OSBPL5: variants seen among roughly 807,000 people sequenced by gnomAD.
OSBPL5 encodes oxysterol-binding protein-related protein 5.
OSBPL5 carries 71 observed loss-of-function variants against 111.2 expected under a neutral mutation model. The ratio of observed to expected loss-of-function variants is 0.64; its 90% CI spans 0.53 to 0.78. The LOEUF (loss-of-function observed/expected upper bound fraction) is 0.78. Among genes scored for constraint, OSBPL5 ranks in the 30% least tolerant of loss-of-function variants. The pLI is 0.00. For synonymous variants in OSBPL5, 549 were observed against 513.9 expected (o/e 1.07, Z -0.93); for missense variants, 1,210 against 1,189.3 (o/e 1.02, Z -0.26).
At chr11:3,114,795 G>A (rs1402672759) in intron 7 of OSBPL5, among the ~76,000 whole-genome samples, 1 of 151,682 alleles carries the variant, frequency 6.6e-6, no homozygotes, top group Non-Finnish European at 1.5e-5. Context: ...TAGAGATGGG[G>A]TTTCACCATG....
At chr11:3,090,928 C>A (rs572670452) in intron 19 of OSBPL5, among the ~76,000 whole-genome samples, 6 of 152,228 alleles carry the variant, frequency 3.9e-5, no homozygotes, top group African/African-American at 1.4e-4. Flanking sequence ...AGCTACTGAC[C>A]CCTCACAGTG....
At chr11:3,138,249 C>T (rs1590704740) in intron 1 of OSBPL5, among the ~76,000 whole-genome samples, 2 of 152,346 alleles carry the variant, frequency 1.3e-5, no homozygotes, top group African/African-American at 2.4e-5. Flanking sequence ...GATCACTCCA[C>T]CAGCCCTAAG....
intron 3 of OSBPL5, among the ~76,000 whole-genome samples, chr11:3,123,690 A>C (rs528058812): frequency 2.8e-4 from 43 of 152,316 alleles, no homozygotes; most frequent in African/African-American, 1.0e-3. Context: ...GGCGCTGGGG[A>C]CTGCCCCCAC....
chr11:3,101,840 T>C, intron 12 of OSBPL5, 141 bp from the exon 13 acceptor site: 1 of 730,444 alleles, frequency 1.4e-6, no homozygotes, highest in Non-Finnish European at 2.2e-6. Context: ...GGTAGGGGCC[T>C]TCCTGGCTCT....
chr11:3,092,437 G>T lies in OSBPL5; in HGVS notation c.2254C>A (p.His752Asn). ...TTFLGSPGPR[H>N]ERSGPDQRLR... ...GGGGCCTGTGGGGTGCTGACCTCGT[G>T]CCTGGGCCCTGGGCTGCCCAGGAAG... The change falls in exon 19 of 22, where the codon CAC (histidine) becomes AAC (asparagine). Residue 752 changes from histidine (H) to asparagine (N), a missense_variant. Physicochemically the swap from His to Asn is moderately conservative, Grantham distance 68. Transcript: ENST00000263650. The surrounding 1 kb of genome is among the most constrained non-coding windows in gnomAD (Gnocchi z 5.4). 1 of 1,580,410 alleles carries T rather than the reference G, an allele frequency of 6.3e-7. No individual in the cohort carries two copies. Among genetic ancestry groups the T allele is most frequent in the Non-Finnish European group, 8.6e-7 (1 of 1,162,750 alleles).
chr11:3,096,672 T>G (rs990159637), intron 14 of OSBPL5, among the ~76,000 whole-genome samples: 3 of 151,002 alleles, frequency 2.0e-5, no homozygotes, highest in Non-Finnish European at 2.9e-5. Flanking sequence ...TTAACTTTAG[T>G]GATATAAAAT....
chr11:3,121,953 C>T lies in OSBPL5; in HGVS notation c.402+44G>A, dbSNP rs776895845. On this transcript the variant is annotated intron_variant, in intron 5 of 21. Transcript: ENST00000263650. This position sits in a 1 kb window ranked among gnomAD's most constrained non-coding sequence, Gnocchi z 4.3. ...ATGGTCCTTTGTTATGGCAGCAGCA[C>T]GCTGACCCGTGTCCTGGGTGGCCGG... The T allele has an allele frequency of 4.0e-5, 60 of 1,507,696 alleles. No individual in the cohort carries two copies. Among genetic ancestry groups the T allele is most frequent in the South Asian group, 3.6e-4 (30 of 83,508 alleles). The allele number at this position is 1,507,696 out of a possible 1,614,324, so 93.4% of individuals were successfully genotyped here. A position where few individuals can be genotyped will look rare whatever the true frequency, so the allele number is the denominator to read the frequency against.
rs1349862402 is a variant in OSBPL5 at position 3,102,195 on chromosome 11, G to A, written c.1413C>T (p.Tyr471=). Residue 471 remains tyrosine, a synonymous_variant, in exon 12 of 22, where the codon TAC becomes TAT. Coordinates refer to ENST00000263650, the MANE Select transcript of OSBPL5 (RefSeq NM_020896.4). ...FHPQTDSRTF[Y]IAEQVSHHPP... Reference sequence around the variant, plus strand: ...GAGGTGCTCTTGCCTGCTCTGCTATGTAGAATGTGCGGCTGTCAGTCTGCG... The same window carrying A: ...GAGGTGCTCTTGCCTGCTCTGCTATATAGAATGTGCGGCTGTCAGTCTGCG... 2 of 1,604,422 alleles carry A rather than the reference G, an allele frequency of 1.2e-6. No individual in the cohort carries two copies. The highest frequency in any genetic ancestry group is 2.2e-5 in the East Asian group (1 of 44,542).
Position 3,126,784 on chromosome 11 carries a change from C to A in OSBPL5, c.137-229G>T. 2.3e-6 allele frequency: 1 copy of A among 442,918 alleles called. No individual in the cohort carries two copies. Among genetic ancestry groups the A allele is most frequent in the Non-Finnish European group, 4.1e-6 (1 of 245,480 alleles). 27.4% of individuals were successfully genotyped at this position (442,918 alleles called of 1,614,324 possible). A position where few individuals can be genotyped will look rare whatever the true frequency, so the allele number is the denominator to read the frequency against. ...AGGAGAACTGGCAGGGCCTCCAGGACCTACAGGGAGGAAGCTGGGACAGGA... is the reference window on the plus strand; with the variant it reads ...AGGAGAACTGGCAGGGCCTCCAGGAACTACAGGGAGGAAGCTGGGACAGGA... On this transcript the variant is annotated intron_variant, in intron 2 of 21. Transcript: ENST00000263650. This position sits in a 1 kb window ranked among gnomAD's most constrained non-coding sequence, Gnocchi z 6.5.
At chr11:3,099,290 G>A (rs1158239437) in intron 14 of OSBPL5, among the ~76,000 whole-genome samples, 1 of 152,212 alleles carries the variant, frequency 6.6e-6, no homozygotes, top group African/African-American at 2.4e-5. Context: ...TCTGTGAGAT[G>A]TGGTAATGGC....
At chr11:3,149,750 C>CT (rs1221149054) in intron 1 of OSBPL5, among the ~76,000 whole-genome samples, 1 of 152,238 alleles carries the variant, frequency 6.6e-6, no homozygotes, top group Non-Finnish European at 1.5e-5. Flanking sequence ...ACGACCCCCC[C>CT]GTCACTGACC....
chr11:3,122,765 T>C (rs768473926), intron 3 of OSBPL5, among the ~76,000 whole-genome samples: 3 of 152,170 alleles, frequency 2.0e-5, no homozygotes, highest in African/African-American at 4.8e-5. Flanking sequence ...CCTACGGGTC[T>C]GACTGAGCCC....
chr11:3,091,122 G>A (rs1857041572), intron 19 of OSBPL5, among the ~76,000 whole-genome samples: 1 of 152,216 alleles, frequency 6.6e-6, no homozygotes, highest in Non-Finnish European at 1.5e-5. Context: ...AGATGGCTAG[G>A]GTTCCCCATG....
chr11:3,150,017 C>T (rs1846522492), intron 1 of OSBPL5, among the ~76,000 whole-genome samples: 1 of 152,208 alleles, frequency 6.6e-6, no homozygotes, highest in Admixed American at 6.5e-5. Context: ...CACACACATG[C>T]ATAAGCAGAC....
At chr11:3,149,032 C>A (rs1846471493) in intron 1 of OSBPL5, among the ~76,000 whole-genome samples, 1 of 152,184 alleles carries the variant, frequency 6.6e-6, no homozygotes, top group South Asian at 2.1e-4. Flanking sequence ...TCAGAACCTG[C>A]CCCAGCCCTG....
chr11:3,129,060 C>T lies in OSBPL5; in HGVS notation c.89G>A (p.Arg30Gln), dbSNP rs761967795. 2.7e-5 allele frequency: 43 copies of T among 1,586,334 alleles called. No individual in the cohort carries two copies. The highest frequency in any genetic ancestry group is 1.4e-4 in the African/African-American group (10 of 73,090). The stretch of plus-strand genomic sequence containing the variant: ...ATTGTCTCCGCTGAGGAGCAAGTTC[C>T]GGGTGAGCTTCCGGGGGTCGACTTT... ...PQKVDPRKLT[R>Q]NLLLSGDNEL... The change falls in exon 2 of 22, where the codon CGG becomes CAG. Residue 30 changes from arginine to glutamine, a missense_variant. Coordinates refer to ENST00000263650, the MANE Select transcript of OSBPL5 (RefSeq NM_020896.4).
Position 3,114,591 on chromosome 11 carries a change from A to ACTTTTTTTT in OSBPL5, c.691+4955_691+4956insAAAAAAAAG, listed in dbSNP as rs774192603. The stretch of plus-strand genomic sequence containing the variant: ...GACTAAAGAATTGGTTAGAACAATG[A>ACTTTTTTTT]TTTTTTTTTTTTTTTTTTTTTTTTT... On this transcript the variant is annotated intron_variant, in intron 7 of 21. Coordinates refer to ENST00000263650, the MANE Select transcript of OSBPL5 (RefSeq NM_020896.4). Among the ~76,000 whole-genome samples the ACTTTTTTTT allele has an allele frequency of 1.8e-3, 202 of 113,904 alleles. 67 individuals carry two copies. The highest frequency in any genetic ancestry group is 6.5e-3 in the African/African-American group (186 of 28,412). The allele number at this position is 113,904 out of a possible 152,430, so 74.7% of individuals were successfully genotyped here.
intron 2 of OSBPL5, among the ~76,000 whole-genome samples, chr11:3,127,324 A>T (rs1461285175): frequency 6.6e-6 from 1 of 152,228 alleles, no homozygotes; most frequent in African/African-American, 2.4e-5. Context: ...TGCCAAGGCC[A>T]CAGGCGACAG....
intron 1 of OSBPL5, among the ~76,000 whole-genome samples, chr11:3,131,726 C>CCATCCATCCATT: frequency 6.7e-6 from 1 of 149,368 alleles, no homozygotes; most frequent in African/African-American, 2.5e-5. Context: ...ATCCATCCAT[C>CCATCCATCCATT]CATCCATCCT....
Sources: gnomAD v4.1 joint callset for allele counts (sites outside exome capture counted in the v4.1 genomes callset) on GRCh38, gnomAD v4.1.1 for gene constraint, Gnocchi (gnomAD v3.1) non-coding constraint, MANE v1.5 for transcripts, NCBI Gene and HGNC (gene_info 2026-07-23, HGNC 2026-07-21) for gene names.